The following MICAL3 variants were observed in gnomAD, a reference collection of about 807,000 sequenced individuals.
MICAL3 encodes microtubule associated monooxygenase, calponin and LIM domain containing 3, also known as [F-actin]-monooxygenase MICAL3.
Under a neutral mutation model 207.4 loss-of-function variants are expected in MICAL3, and 62 were observed. The ratio of observed to expected loss-of-function variants is 0.30; its 90% CI spans 0.24 to 0.37. The LOEUF is 0.37. Among genes scored for constraint, MICAL3 ranks in the 10% least tolerant of loss-of-function variants. The probability of loss-of-function intolerance (pLI) is 1.00; values close to 1 mark genes in which losing one functional copy is unlikely to be tolerated. For missense variants in MICAL3, 2,368 were observed against 2,635.6 expected, an observed-to-expected ratio of 0.90 and a Z score of 2.22; for synonymous variants, 1,077 against 1,069.3, an observed-to-expected ratio of 1.01 and a Z score of -0.14.
chr22:17,919,346 ACACT>A (rs1569133043), intron 1 of MICAL3, among the ~76,000 whole-genome samples: 1 of 152,124 alleles, frequency 6.6e-6, no homozygotes, highest in Non-Finnish European at 1.5e-5. Context: ...GTGAGCCACC[ACACT>A]CAGCCTCTAA....
intron 1 of MICAL3, among the ~76,000 whole-genome samples, chr22:17,907,233 A>G (rs116771257): frequency 0.02 from 3,006 of 151,864 alleles, 101 homozygotes; most frequent in African/African-American, 0.066. Flanking sequence ...GGGGGTCCCC[A>G]CTGAAGGCGA....
At chr22:17,868,156 G>A (rs113020546) in intron 17 of MICAL3, among the ~76,000 whole-genome samples, 10 of 152,254 alleles carry the variant, frequency 6.6e-5, no homozygotes, top group Non-Finnish European at 1.2e-4. Context: ...CTCAGTAGCC[G>A]TGTGAACTCA....
chr22:17,867,941 T>A (rs1170102872), intron 17 of MICAL3, among the ~76,000 whole-genome samples: 1 of 152,252 alleles, frequency 6.6e-6, no homozygotes, highest in Non-Finnish European at 1.5e-5. Context: ...TCTTAAAGTA[T>A]AACTCAATTG....
chr22:17,935,049 G>A (rs1323215431), intron 1 of MICAL3, among the ~76,000 whole-genome samples: 1 of 152,076 alleles, frequency 6.6e-6, no homozygotes, highest in Non-Finnish European at 1.5e-5. Context: ...AGCTACGAAT[G>A]ACTTTCTTCA....
chr22:18,015,463 A>G (rs1377129567), intron 1 of MICAL3, among the ~76,000 whole-genome samples: 5 of 121,442 alleles, frequency 4.1e-5, no homozygotes, highest in African/African-American at 6.8e-5. Context: ...CTCACTCTGG[A>G]GTGCAGTGGT....
intron 16 of MICAL3, among the ~76,000 whole-genome samples, chr22:17,877,133 T>G (rs202225306): frequency 0.082 from 2,082 of 25,240 alleles, 10 homozygotes; most frequent in African/African-American, 0.15. Context: ...TTATGGAGGT[T>G]AGGGAGGTTA....
intron 19 of MICAL3, chr22:17,862,713 C>T: frequency 2.0e-6 from 2 of 985,454 alleles, no homozygotes; most frequent in East Asian, 1.1e-4. Context: ...TGTTCCTTTT[C>T]TACCAAGGCT....
At chr22:17,957,878 G>C (rs1036612909) in intron 1 of MICAL3, among the ~76,000 whole-genome samples, 2 of 152,138 alleles carry the variant, frequency 1.3e-5, no homozygotes, top group Non-Finnish European at 2.9e-5. Context: ...CCTGTCAAAT[G>C]GTGCCTGCAT....
intron 29 of MICAL3, among the ~76,000 whole-genome samples, chr22:17,800,993 C>T (rs1003752759): frequency 1.3e-5 from 2 of 152,126 alleles, no homozygotes; most frequent in Admixed American, 6.5e-5. Flanking sequence ...GCAGCAGCCC[C>T]CACGTGGTGG....
intron 19 of MICAL3, among the ~76,000 whole-genome samples, chr22:17,849,187 C>A (rs994594144): frequency 1.3e-5 from 2 of 152,252 alleles, no homozygotes; most frequent in African/African-American, 4.8e-5. Flanking sequence ...AGGCTCTACA[C>A]ACGGCCTTAA....
At chr22:17,941,931 C>T (rs184867411) in intron 1 of MICAL3, among the ~76,000 whole-genome samples, 2 of 152,298 alleles carry the variant, frequency 1.3e-5, no homozygotes, top group Admixed American at 6.5e-5. Flanking sequence ...GCACAGGCAG[C>T]GGAACAGGCA....
chr22:17,863,109 C>T (rs1926692484), intron 19 of MICAL3: 14 of 984,904 alleles, frequency 1.4e-5, no homozygotes, highest in Non-Finnish European at 1.6e-5. Context: ...TTCTTTAGAA[C>T]TCCTAAAAAC....
At chr22:17,810,115 T>A (rs2145988163) in intron 28 of MICAL3, among the ~76,000 whole-genome samples, 1 of 140,796 alleles carries the variant, frequency 7.1e-6, no homozygotes, top group South Asian at 2.3e-4. Context: ...TAGGCTGGGG[T>A]GCAGTGGCAC....
chr22:17,947,610 T>G (rs560361925), intron 1 of MICAL3, among the ~76,000 whole-genome samples: 65 of 152,274 alleles, frequency 4.3e-4, no homozygotes, highest in Non-Finnish European at 7.9e-4. Context: ...CAGGCTGGAG[T>G]GCAGTGGTGC....
intron 2 of MICAL3, among the ~76,000 whole-genome samples, chr22:17,905,329 G>C (rs1293212995): frequency 1.3e-5 from 2 of 152,146 alleles, no homozygotes; most frequent in African/African-American, 2.4e-5. Context: ...ATTTTCAAGA[G>C]CCAAAGTTTT....
intron 1 of MICAL3, among the ~76,000 whole-genome samples, chr22:17,913,960 C>T (rs1456335120): frequency 6.6e-6 from 1 of 152,152 alleles, no homozygotes; most frequent in Non-Finnish European, 1.5e-5. Flanking sequence ...GGCTCACCAT[C>T]CTACAGTCTC....
intron 1 of MICAL3, among the ~76,000 whole-genome samples, chr22:17,917,374 A>C (rs745693875): frequency 5.3e-5 from 8 of 151,930 alleles, no homozygotes; most frequent in Non-Finnish European, 1.0e-4. Flanking sequence ...CTCAACCCAA[A>C]ACCTTGCCCC....
chr22:17,966,179 T>G (rs1363112045), intron 1 of MICAL3, among the ~76,000 whole-genome samples: 1 of 152,170 alleles, frequency 6.6e-6, no homozygotes, highest in African/African-American at 2.4e-5. Context: ...CATCCACTGC[T>G]TCATGCCTCC....
In MICAL3 at chr22:17,859,157, G is replaced by C. The variant is rs950201180; in HGVS notation, c.2605+5742C>G. 2.6e-5 allele frequency among the ~76,000 whole-genome samples: 4 copies of C among 152,188 alleles called. 1 individual carries two copies. The highest frequency in any genetic ancestry group is 9.7e-5 in the African/African-American group (4 of 41,446). On this transcript the variant is annotated intron_variant, in intron 19 of 31. Transcript: ENST00000441493. ...AGGAAAATGACGGTGTCACAGCAGA[G>C]CTGTGAGCTACTGGGGGGTGAGGCC...
Sources: allele counts gnomAD v4.1 joint callset (sites outside exome capture counted in the v4.1 genomes callset), GRCh38; gene constraint gnomAD v4.1.1; transcripts MANE v1.5; gene names NCBI Gene and HGNC (gene_info 2026-07-23, HGNC 2026-07-21).